SLC9C1: variants seen among roughly 807,000 people sequenced by gnomAD.
SLC9C1 encodes solute carrier family 9 member C1, also known as sodium/hydrogen exchanger 10.
In SLC9C1, 97 loss-of-function variants were observed where a neutral mutation model predicts 140.9. That is an observed-to-expected ratio of 0.69 (90% CI 0.58 to 0.82). SLC9C1 has a LOEUF of 0.82. SLC9C1 is among the 40% of genes least tolerant of loss of function. The probability of loss-of-function intolerance (pLI) is 0.00; values close to 1 mark genes in which losing one functional copy is unlikely to be tolerated. For synonymous variants in SLC9C1, 440 were observed against 442.6 expected (o/e 0.99, Z 0.07); for missense variants, 1,340 against 1,389.3 (o/e 0.96, Z 0.56).
chr3:112,216,804 T>G (rs2078386034), intron 15 of SLC9C1, among the ~76,000 whole-genome samples: 1 of 152,192 alleles, frequency 6.6e-6, no homozygotes, highest in Non-Finnish European at 1.5e-5. Flanking sequence ...TGGCGATTCC[T>G]CAAGGATCTA....
Position 112,274,902 on chromosome 3 carries a change from G to A in SLC9C1, c.608C>T (p.Thr203Ile), listed in dbSNP as rs28413123. ...TTTTTTAAAAATATACTTACCTAAG[G>A]TATGGTTTCTTTTACTTTGTAGTCT... The part of the protein sequence containing the change: ...DQRLQSKRNH[T>I]LAEEIVGGIC... The change falls in exon 6 of 29, where the codon ACC (threonine) becomes ATC (isoleucine). Residue 203 changes from threonine to isoleucine, a missense_variant. By Grantham distance (89) the Thr-to-Ile change is moderately conservative. Transcript: ENST00000305815. 7,480 of 1,546,508 alleles carry A rather than the reference G, an allele frequency of 4.8e-3. 23 individuals carry two copies. Among genetic ancestry groups the A allele is most frequent in the Non-Finnish European group, 5.8e-3 (6,716 of 1,155,796 alleles).
intron 26 of SLC9C1, among the ~76,000 whole-genome samples, chr3:112,166,165 T>C (rs527466559): frequency 6.6e-5 from 10 of 152,358 alleles, no homozygotes; most frequent in South Asian, 2.1e-4. Context: ...AGGCGCCGTC[T>C]GTCACCCCTT....
intron 23 of SLC9C1, among the ~76,000 whole-genome samples, chr3:112,177,221 G>T (rs780127689): frequency 6.6e-6 from 1 of 151,832 alleles, no homozygotes; most frequent in Non-Finnish European, 1.5e-5. Context: ...TGGCCAGGCT[G>T]GTCTCAAACT....
rs778879805 is a variant in SLC9C1, at chr3:112,141,287, A to C, written c.3525-6T>G. 1 of 1,581,696 alleles carries C rather than the reference A, an allele frequency of 6.3e-7. No homozygotes were observed. The highest frequency in any genetic ancestry group is 8.6e-7 in the Non-Finnish European group (1 of 1,165,570). On this transcript the variant is annotated splice_region_variant and splice_polypyrimidine_tract_variant and intron_variant, in intron 28 of 28. Transcript: ENST00000305815. The stretch of plus-strand genomic sequence containing the variant: ...CTTAACAGTCTTACTCTTTCCTAAT[A>C]GAAGCGGAAAGAAAAAACAAAAACA...
At chr3:112,226,316 G>A (rs1320214404) in intron 13 of SLC9C1, among the ~76,000 whole-genome samples, 2 of 151,988 alleles carry the variant, frequency 1.3e-5, no homozygotes, top group Non-Finnish European at 2.9e-5. Context: ...AAATTAAGAA[G>A]GTAATTCTTT....
At chr3:112,215,315 C>T (rs1232567664) in intron 15 of SLC9C1, among the ~76,000 whole-genome samples, 1 of 152,208 alleles carries the variant, frequency 6.6e-6, no homozygotes, top group African/African-American at 2.4e-5. Flanking sequence ...GGGATGCCCT[C>T]TCTCACCATT....
At chr3:112,199,262 A>G (rs886317511) in intron 20 of SLC9C1, 59 bp downstream of exon 20, 1 of 1,321,710 alleles carries the variant, frequency 7.6e-7, no homozygotes, top group Admixed American at 2.7e-5. Flanking sequence ...GTAGCCTTGA[A>G]GGTCATGAAT....
intron 12 of SLC9C1, among the ~76,000 whole-genome samples, chr3:112,234,329 GT>G (rs1221080452): frequency 6.6e-6 from 1 of 151,790 alleles, no homozygotes; most frequent in East Asian, 1.9e-4. Flanking sequence ...TGATGGGGTT[GT>G]TTTTACTTGT....
At chr3:112,227,812 A>G (rs2078721365) in intron 13 of SLC9C1, among the ~76,000 whole-genome samples, 1 of 152,118 alleles carries the variant, frequency 6.6e-6, no homozygotes, top group South Asian at 2.1e-4. Context: ...CATAAATCCC[A>G]TTTACAATAG....
At chr3:112,259,462 C>T (rs77965885) in intron 10 of SLC9C1, among the ~76,000 whole-genome samples, 229 of 150,702 alleles carry the variant, frequency 1.5e-3, no homozygotes, top group Non-Finnish European at 2.8e-3. Context: ...ACCATGTCCT[C>T]GTGTCCTTTG....
intron 12 of SLC9C1, among the ~76,000 whole-genome samples, chr3:112,236,310 G>A (rs956337831): frequency 2.0e-5 from 3 of 152,098 alleles, no homozygotes; most frequent in Non-Finnish European, 4.4e-5. Context: ...GGGAGTGGTG[G>A]TGACATCCCC....
intron 20 of SLC9C1, among the ~76,000 whole-genome samples, chr3:112,197,967 G>T (rs959319410): frequency 2.6e-5 from 4 of 152,078 alleles, no homozygotes; most frequent in African/African-American, 9.7e-5. Flanking sequence ...TTGGGGTAGG[G>T]AACACAACCC....
intron 11 of SLC9C1, among the ~76,000 whole-genome samples, chr3:112,241,716 A>G (rs2079143140): frequency 1.3e-5 from 2 of 152,214 alleles, no homozygotes; most frequent in Admixed American, 1.3e-4. Context: ...AGTCTACAGT[A>G]ACCAAAATAA....
chr3:112,274,594 T>C (rs573831068), intron 6 of SLC9C1, among the ~76,000 whole-genome samples: 1 of 152,288 alleles, frequency 6.6e-6, no homozygotes, highest in Admixed American at 6.5e-5. Flanking sequence ...TCTAAGCTCA[T>C]CTTCAGCACA....
intron 26 of SLC9C1, 144 bp from the exon 27 acceptor site, chr3:112,155,193 A>G (rs1211485349): frequency 3.3e-6 from 2 of 606,068 alleles, no homozygotes; most frequent in Non-Finnish European, 5.4e-6. Flanking sequence ...TTTGGTTAAA[A>G]AAAAGGGTCA....
intron 23 of SLC9C1, among the ~76,000 whole-genome samples, chr3:112,171,106 T>C (rs9825472): frequency 0.99 from 150,342 of 152,234 alleles, 74,269 homozygotes; most frequent in East Asian, 1. Context: ...CCTAGCTACT[T>C]GGGAGGCTGA....
chr3:112,151,380 T>C, intron 28 of SLC9C1: 1 of 519,044 alleles, frequency 1.9e-6, no homozygotes, highest in Non-Finnish European at 3.8e-6. Context: ...CTTTGCTCAT[T>C]CTCACAGCCA....
chr3:112,187,283 A>G (rs1010098162), intron 20 of SLC9C1, among the ~76,000 whole-genome samples: 3 of 152,156 alleles, frequency 2.0e-5, no homozygotes, highest in African/African-American at 7.2e-5. Context: ...TTAATCTTTC[A>G]TTATTCTCCC....
rs1211691293 is a variant in SLC9C1 at position 112,155,055 on chromosome 3, T to A, written c.3365-6A>T. 5.0e-5 allele frequency: 70 copies of A among 1,413,162 alleles called. No individual in the cohort carries two copies. The highest frequency in any genetic ancestry group is 8.5e-5 in the Admixed American group (4 of 46,978). The allele number at this position is 1,413,162 out of a possible 1,614,324, so 87.5% of individuals were successfully genotyped here. ...TTCCAATGTTCCAACTGAACCTGAT[T>A]AAAAAAAAAAAAAACAGTGTTAATT... On this transcript the variant is annotated splice_region_variant and splice_polypyrimidine_tract_variant and intron_variant, in intron 26 of 28. Transcript: ENST00000305815.
Sources: gnomAD v4.1 joint callset for allele counts (sites outside exome capture counted in the v4.1 genomes callset) on GRCh38, gnomAD v4.1.1 for gene constraint, MANE v1.5 for transcripts, NCBI Gene and HGNC (gene_info 2026-07-23, HGNC 2026-07-21) for gene names.